Variants in TMC5 observed in about 807,000 individuals in gnomAD.
TMC5 encodes transmembrane channel-like protein 5.
In TMC5, 86 loss-of-function variants were observed where a neutral mutation model predicts 110.5. That is an observed-to-expected ratio of 0.78 (90% CI 0.65 to 0.93). The LOEUF (loss-of-function observed/expected upper bound fraction) is 0.93. Ranked by LOEUF, TMC5 falls within the 40% of genes least tolerant of loss-of-function variation. The pLI is 0.00. For missense variants in TMC5, 1,144 were observed against 1,222.8 expected (o/e 0.94, Z 0.96); for synonymous variants, 455 against 439.5 (o/e 1.04, Z -0.44).
chr16:19,462,908 AAAAAAG>A (rs1385951355), intron 6 of TMC5, among the ~76,000 whole-genome samples: 2 of 151,798 alleles, frequency 1.3e-5, no homozygotes, highest in Non-Finnish European at 2.9e-5. Flanking sequence ...AAAAAAAAAA[AAAAAAG>A]AAAAAGGAAG....
At chr16:19,416,583 G>A (rs777282752), upstream of TMC5, among the ~76,000 whole-genome samples, 3 of 152,144 alleles carry the variant, frequency 2.0e-5, no homozygotes, top group East Asian at 5.8e-4. Context: ...CACTTTGTAG[G>A]TTAATGGGGA....
chr16:19,494,748 G>T (rs1195833499), intron 20 of TMC5, among the ~76,000 whole-genome samples: 1 of 151,916 alleles, frequency 6.6e-6, no homozygotes, highest in African/African-American at 2.4e-5. Flanking sequence ...TGGAGGTTGC[G>T]GTGAGCCAAA....
rs190873012 is a variant in TMC5, at chr16:19,468,763, A to G, written c.1638-918A>G. 4.6e-5 allele frequency among the ~76,000 whole-genome samples: 7 copies of G among 152,328 alleles called. No homozygotes were observed. The East Asian group carries it at 1.4e-3, about 29-fold the overall frequency. ...TCTAGAAGCTGGAAAAGACAAGGAA[A>G]TGGATTCTTCCCTAGAGCTTCCAGA... On this transcript the variant is annotated intron_variant, in intron 9 of 21. Transcript: ENST00000542583.
At chr16:19,472,284 AG>A (rs1165073490) in intron 11 of TMC5, 41 bp downstream of exon 11, 3 of 1,606,332 alleles carry the variant, frequency 1.9e-6, no homozygotes, top group African/African-American at 1.3e-5. Flanking sequence ...AACCAGGTGA[AG>A]GGATGAGATG....
At chr16:19,464,896 AC>A (rs1567314326) in intron 8 of TMC5, among the ~76,000 whole-genome samples, 2 of 151,796 alleles carry the variant, frequency 1.3e-5, no homozygotes, top group Non-Finnish European at 2.9e-5. Context: ...TAAAAAAAAA[AC>A]CAAATAGATG....
At chr16:19,451,524 G>A (rs1015574281) in intron 5 of TMC5, among the ~76,000 whole-genome samples, 1 of 152,052 alleles carries the variant, frequency 6.6e-6, no homozygotes, top group Non-Finnish European at 1.5e-5. Flanking sequence ...TTTGGAGACT[G>A]TATAGAAAAA....
chr16:19,465,946 C>T, intron 8 of TMC5, 136 bp from the exon 9 acceptor site: 1 of 884,426 alleles, frequency 1.1e-6, no homozygotes, highest in Non-Finnish European at 1.6e-6. Flanking sequence ...CTCAGTGCCC[C>T]TTTCCTGGAA....
chr16:19,472,369 G>T, intron 11 of TMC5, 126 bp downstream of exon 11: 1 of 1,095,676 alleles, frequency 9.1e-7, no homozygotes, highest in South Asian at 1.5e-5. Flanking sequence ...CACTAGCAGA[G>T]AACTTGTTAA....
chr16:19,441,427 C>T (rs1967488753), intron 3 of TMC5, among the ~76,000 whole-genome samples: 2 of 151,868 alleles, frequency 1.3e-5, no homozygotes, highest in Non-Finnish European at 1.5e-5. Context: ...TCAATTGATC[C>T]TCCCACCCCA....
intron 1 of TMC5, among the ~76,000 whole-genome samples, chr16:19,423,342 G>T (rs1225702111): frequency 6.6e-6 from 1 of 152,112 alleles, no homozygotes; most frequent in African/African-American, 2.4e-5. Context: ...CCAAAAGTTT[G>T]CCAGACTTTG....
intron 2 of TMC5, among the ~76,000 whole-genome samples, chr16:19,439,060 T>G (rs1967421604): frequency 6.6e-6 from 1 of 152,264 alleles, no homozygotes; most frequent in South Asian, 2.1e-4. Flanking sequence ...ATTGGTTGCC[T>G]GTGATTGGCC....
chr16:19,483,761 A>C (rs1968671091), intron 15 of TMC5, among the ~76,000 whole-genome samples: 1 of 148,988 alleles, frequency 6.7e-6, no homozygotes, highest in African/African-American at 2.5e-5. Flanking sequence ...CTGGGCAGCG[A>C]GAGTGAAACT....
At chr16:19,472,265 G>A (rs1437127926) in intron 11 of TMC5, 22 bp downstream of exon 11, 1 of 1,611,898 alleles carries the variant, frequency 6.2e-7, no homozygotes, top group African/African-American at 1.3e-5. Flanking sequence ...CAGGGTCCAG[G>A]GCAGAGAGAA....
chr16:19,419,470 T>C (rs1399899639), intron 1 of TMC5, among the ~76,000 whole-genome samples: 5 of 128,706 alleles, frequency 3.9e-5, no homozygotes, highest in Middle Eastern at 4.7e-3. Flanking sequence ...TGGAGTGCAG[T>C]GGTGCGATCT....
At chr16:19,487,042 A>G (rs777796587) in intron 16 of TMC5, 22 bp downstream of exon 16, 16 of 1,613,056 alleles carry the variant, frequency 9.9e-6, no homozygotes, top group African/African-American at 1.3e-5. Context: ...CGACATTGCC[A>G]TCAATCAGCT....
At chr16:19,446,074 G>C (rs544355798) in intron 4 of TMC5, among the ~76,000 whole-genome samples, 123 of 147,500 alleles carry the variant, frequency 8.3e-4, no homozygotes, top group Non-Finnish European at 1.5e-3. Context: ...GGGGAGGGGA[G>C]GGGAGGGGAA....
intron 2 of TMC5, among the ~76,000 whole-genome samples, chr16:19,436,245 G>A (rs1342795396): frequency 2.5e-5 from 2 of 78,636 alleles, no homozygotes; most frequent in Non-Finnish European, 4.9e-5. Flanking sequence ...TCCAGCCTGG[G>A]TGAAAGAGCA....
chr16:19,439,972 A>T lies in TMC5; in HGVS notation c.-67A>T. ...TCTTGTTTTTCAGGTGAAAAAAAAA[A>T]AAGATCCCTGAGTAATTGCAAATGC... On this transcript the variant is annotated 5_prime_UTR_variant, in exon 3 of 22. Transcript: ENST00000542583. 7.3e-7 allele frequency: 1 copy of T among 1,361,320 alleles called. No homozygotes were observed. Among genetic ancestry groups the T allele is most frequent in the Non-Finnish European group, 1.0e-6 (1 of 995,326 alleles). 84.3% of individuals were successfully genotyped at this position (1,361,320 alleles called of 1,614,324 possible).
At chr16:19,442,321 T>C (rs1466869408) in intron 3 of TMC5, among the ~76,000 whole-genome samples, 2 of 130,114 alleles carry the variant, frequency 1.5e-5, no homozygotes. Flanking sequence ...GCCAACAAAA[T>C]GTAATTTTTT....
Sources: gnomAD v4.1 joint callset for allele counts (sites outside exome capture counted in the v4.1 genomes callset) on GRCh38, gnomAD v4.1.1 for gene constraint, MANE v1.5 for transcripts, NCBI Gene and HGNC (gene_info 2026-07-23, HGNC 2026-07-21) for gene names.